The following THRAP3 variants were observed in gnomAD, a reference collection of about 807,000 sequenced individuals.
THRAP3 encodes thyroid hormone receptor-associated protein 3.
Under a neutral mutation model 101.0 loss-of-function variants are expected in THRAP3, and 16 were observed. That is an observed-to-expected ratio of 0.16 (90% CI 0.11 to 0.24). The LOEUF (loss-of-function observed/expected upper bound fraction) is 0.24, where lower values mean the gene tolerates loss of function less well. Ranked by LOEUF, THRAP3 falls within the 10% of genes least tolerant of loss-of-function variation. THRAP3 has a pLI of 1.00. For missense variants in THRAP3, 989 were observed against 1,202.7 expected, an observed-to-expected ratio of 0.82 and a Z score of 2.63; for synonymous variants, 407 against 422.6, an observed-to-expected ratio of 0.96 and a Z score of 0.45.
Position 36,294,852 on chromosome 1 carries a change from A to ATTTGTCTT in THRAP3, c.2115+929_2115+936dup, listed in dbSNP as rs540952137. On this transcript the variant is annotated intron_variant, in intron 8 of 11. Transcript: ENST00000354618. ...GTGTTACCCCTGGGAGCAGTGTTGCATTTGTCTTTTTGTCTTTTTTTGCTC... is the reference window on the plus strand; with the variant it reads ...GTGTTACCCCTGGGAGCAGTGTTGCATTTGTCTTTTTGTCTTTTTGTCTTTTTTTGCTC... 5.7e-3 allele frequency among the ~76,000 whole-genome samples: 864 copies of ATTTGTCTT among 152,092 alleles called. 10 individuals are homozygous for ATTTGTCTT. The highest frequency in any genetic ancestry group is 0.019 in the African/African-American group (807 of 41,486).
chr1:36,300,624 T>G (rs1228344716), intron 9 of THRAP3, among the ~76,000 whole-genome samples: 1 of 152,222 alleles, frequency 6.6e-6, no homozygotes, highest in African/African-American at 2.4e-5. Flanking sequence ...GGCCATGGAC[T>G]GTGTTTTGTT....
At chr1:36,248,910 T>G (rs976062472) in intron 1 of THRAP3, among the ~76,000 whole-genome samples, 1 of 151,866 alleles carries the variant, frequency 6.6e-6, no homozygotes, top group East Asian at 1.9e-4. Flanking sequence ...CTTTCTTTTT[T>G]TTTTTTGGAG....
rs778135723 is a variant in THRAP3, at chr1:36,249,719, T to TGTGTGTGTGTGG, written c.-134-9662_-134-9661insTGTGTGTGTGGG. On this transcript the variant is annotated intron_variant, in intron 1 of 11. Coordinates refer to ENST00000354618, the MANE Select transcript of THRAP3 (RefSeq NM_005119.4). ...GTGTGTGTGTGTGTGTGTGTGTGTG[T>TGTGTGTGTGTGG]GGTGGAGGTTGAGACAGGAGTGGTG... Among the ~76,000 whole-genome samples, 8 of 149,272 alleles carry TGTGTGTGTGTGG rather than the reference T, an allele frequency of 5.4e-5. No individual in the cohort carries two copies. The South Asian group carries it at 1.7e-3, about 32-fold the overall frequency.
At chr1:36,234,632 ATAT>A (rs1348597138) in intron 1 of THRAP3, among the ~76,000 whole-genome samples, 1 of 152,160 alleles carries the variant, frequency 6.6e-6, no homozygotes, top group Non-Finnish European at 1.5e-5. Flanking sequence ...TGAAAGCTTA[ATAT>A]TTAGCATCTT....
At chr1:36,218,442 C>T in the THRAP3 span, among the ~76,000 whole-genome samples, 201 of 133,048 alleles carry the variant, frequency 1.5e-3, no homozygotes, top group Middle Eastern at 5.3e-3. Flanking sequence ...AAAAGCCAGG[C>T]GCAGTTGCTC....
At chr1:36,216,863 AG>A in the THRAP3 span, among the ~76,000 whole-genome samples, 1 of 152,200 alleles carries the variant, frequency 6.6e-6, no homozygotes, top group Non-Finnish European at 1.5e-5. Flanking sequence ...ATTGGCCCAC[AG>A]GTTGTAGTTT....
chr1:36,229,343 G>A (rs1364310694), intron 1 of THRAP3, among the ~76,000 whole-genome samples: 1 of 150,566 alleles, frequency 6.6e-6, no homozygotes, highest in Non-Finnish European at 1.5e-5. Context: ...TGATCTGCCC[G>A]CCTCAGCCTC....
chr1:36,250,913 A>C (rs969176157), intron 1 of THRAP3, among the ~76,000 whole-genome samples: 1 of 150,766 alleles, frequency 6.6e-6, no homozygotes, highest in Non-Finnish European at 1.5e-5. Context: ...CGCCCAGCTA[A>C]TTTTTGTATT....
chr1:36,303,872 G>A lies in THRAP3; in HGVS notation c.2723G>A (p.Arg908Gln), dbSNP rs780497302. Residue 908 changes from arginine (R) to glutamine (Q), a missense_variant, in exon 12 of 12, where the codon CGG (arginine) becomes CAG (glutamine). Transcript: ENST00000354618. ...GRGRGAFPRG[R>Q]GRFMFRKSST... ...GGCCGAGGAGCCTTTCCTCGGGGTC[G>A]GGGCCGGTTCATGTTCCGGAAATCA... The A allele has an allele frequency of 1.1e-5, 17 of 1,613,916 alleles. No individual in the cohort carries two copies. Among genetic ancestry groups the A allele is most frequent in the Admixed American group, 5.0e-5 (3 of 59,952 alleles).
upstream of THRAP3, among the ~76,000 whole-genome samples, chr1:36,219,573 C>A (rs1570200722): frequency 6.6e-6 from 1 of 152,018 alleles, no homozygotes; most frequent in East Asian, 1.9e-4. Context: ...TACAGTCACC[C>A]GCCACCATGC....
intron 5 of THRAP3, among the ~76,000 whole-genome samples, chr1:36,290,044 T>G (rs899381651): frequency 2.0e-5 from 3 of 152,340 alleles, no homozygotes; most frequent in African/African-American, 7.2e-5. Flanking sequence ...ATGCTGTTTC[T>G]TGTATTTAAG....
chr1:36,224,984 A>G (rs1644945517), intron 1 of THRAP3: 4 of 152,384 alleles, frequency 2.6e-5, no homozygotes, highest in Middle Eastern at 6.8e-3. Context: ...GGTGGCCAAA[A>G]ACGGGATAGT....
At chr1:36,267,188 A>G (rs180809333) in intron 2 of THRAP3, among the ~76,000 whole-genome samples, 201 of 152,130 alleles carry the variant, frequency 1.3e-3, no homozygotes, top group African/African-American at 4.7e-3. Context: ...CCTGCCTATA[A>G]TAAGAATCTT....
intron 1 of THRAP3, among the ~76,000 whole-genome samples, chr1:36,235,384 C>G (rs577096900): frequency 6.6e-6 from 1 of 151,818 alleles, no homozygotes; most frequent in Non-Finnish European, 1.5e-5. Flanking sequence ...CACTCAGAAC[C>G]CTCAACCCCA....
At chr1:36,252,927 CATATAT>C (rs71053916) in intron 1 of THRAP3, among the ~76,000 whole-genome samples, 5,815 of 76,394 alleles carry the variant, frequency 0.076, 191 homozygotes, top group African/African-American at 0.11. Context: ...TATAGATAGG[CATATAT>C]ATATATATAT....
At chr1:36,288,745 A>T in intron 4 of THRAP3, 3 of 985,474 alleles carry the variant, frequency 3.0e-6, no homozygotes, top group Non-Finnish European at 3.6e-6. Context: ...GCCCTAGATC[A>T]CATTACAGGT....
chr1:36,246,609 G>A (rs974045584), intron 1 of THRAP3, among the ~76,000 whole-genome samples: 1 of 152,154 alleles, frequency 6.6e-6, no homozygotes, highest in Non-Finnish European at 1.5e-5. Flanking sequence ...TTGGGAGGCT[G>A]AAGCAGGCAG....
the THRAP3 span, among the ~76,000 whole-genome samples, chr1:36,209,988 T>C: frequency 6.6e-6 from 1 of 152,222 alleles, no homozygotes; most frequent in Non-Finnish European, 1.5e-5. Flanking sequence ...GGGCTGCAAG[T>C]ATCTTCTAGA....
chr1:36,272,501 A>G (rs1012764100), intron 2 of THRAP3, among the ~76,000 whole-genome samples: 1 of 152,220 alleles, frequency 6.6e-6, no homozygotes, highest in East Asian at 1.9e-4. Flanking sequence ...TACTCAGGAG[A>G]TGATGACCTC....
Sources: allele counts gnomAD v4.1 joint callset (sites outside exome capture counted in the v4.1 genomes callset), GRCh38; gene constraint gnomAD v4.1.1; transcripts MANE v1.5; gene names NCBI Gene and HGNC (gene_info 2026-07-23, HGNC 2026-07-21).